HHAT: variants seen among roughly 807,000 people sequenced by gnomAD.
HHAT encodes the protein protein-cysteine N-palmitoyltransferase HHAT.
A neutral mutation model predicts 70.8 loss-of-function variants in HHAT; 47 were observed. The observed-to-expected ratio is 0.66, with a 90% CI of 0.53 to 0.85. The LOEUF (loss-of-function observed/expected upper bound fraction) is 0.85, where lower values mean the gene tolerates loss of function less well. Among genes scored for constraint, HHAT ranks in the 40% least tolerant of loss-of-function variants. HHAT has a pLI of 0.00. For synonymous variants in HHAT, 228 were observed against 247.6 expected, an observed-to-expected ratio of 0.92 and a Z score of 0.74; for missense variants, 609 against 604.8, an observed-to-expected ratio of 1.01 and a Z score of -0.07.
Position 210,463,340 on chromosome 1 carries a change from A to G in HHAT, c.857-1165A>G, listed in dbSNP as rs549743718. ...CATTGCTGCCCTCTCTCCCCAAGAA[A>G]CCACTAGTCTACTTTGTCTCTATAG... On this transcript the variant is annotated intron_variant, in intron 7 of 11. Transcript: ENST00000261458. Among the ~76,000 whole-genome samples, 6 of 152,248 alleles carry G rather than the reference A, an allele frequency of 3.9e-5. No homozygotes were observed. In the South Asian group the frequency reaches 1.2e-3, roughly 32 times the overall value.
chr1:210,449,344 T>C (rs968305399), intron 7 of HHAT, among the ~76,000 whole-genome samples: 2 of 152,174 alleles, frequency 1.3e-5, no homozygotes, highest in African/African-American at 4.8e-5. Flanking sequence ...ATTTTCTTAT[T>C]TGATTTCCCA....
intron 9 of HHAT, among the ~76,000 whole-genome samples, chr1:210,520,553 A>G (rs1392755626): frequency 6.6e-6 from 1 of 152,062 alleles, no homozygotes; most frequent in African/African-American, 2.4e-5. Context: ...TTACTATGGG[A>G]CTAACAAAGA....
intron 1 of HHAT, among the ~76,000 whole-genome samples, chr1:210,346,590 CTT>C (rs2086546344): frequency 6.6e-6 from 1 of 152,232 alleles, no homozygotes; most frequent in African/African-American, 2.4e-5. Flanking sequence ...TTCTGGATCT[CTT>C]AGGTTGCAGG....
At chr1:210,575,700 T>C (rs956962855) in intron 9 of HHAT, among the ~76,000 whole-genome samples, 1 of 152,230 alleles carries the variant, frequency 6.6e-6, no homozygotes, top group Non-Finnish European at 1.5e-5. Context: ...TTTGCTTGTT[T>C]GTTTGCAGTC....
chr1:210,569,199 C>G (rs1310226304), intron 9 of HHAT, among the ~76,000 whole-genome samples: 1 of 151,704 alleles, frequency 6.6e-6, no homozygotes, highest in Non-Finnish European at 1.5e-5. Context: ...CATGGCGAAA[C>G]CCCATCTCTA....
intron 11 of HHAT, among the ~76,000 whole-genome samples, chr1:210,641,194 G>A (rs755669555): frequency 6.6e-6 from 1 of 152,168 alleles, no homozygotes; most frequent in Non-Finnish European, 1.5e-5. Context: ...AGTGGGGCAG[G>A]AAAATCTCAG....
At chr1:210,412,303 A>G (rs1432845113) in intron 6 of HHAT, among the ~76,000 whole-genome samples, 2 of 152,198 alleles carry the variant, frequency 1.3e-5, no homozygotes, top group African/African-American at 4.8e-5. Flanking sequence ...CTTACATGCA[A>G]AATACACTCA....
At chr1:210,412,546 T>C (rs2148249153) in intron 6 of HHAT, among the ~76,000 whole-genome samples, 1 of 152,166 alleles carries the variant, frequency 6.6e-6, no homozygotes, top group East Asian at 1.9e-4. Context: ...AAGGTAGAAA[T>C]TGGAAAGAAG....
At chr1:210,634,093 A>G (rs3935665) in intron 11 of HHAT, among the ~76,000 whole-genome samples, 39,424 of 152,168 alleles carry the variant, frequency 0.26, 5,900 homozygotes, top group South Asian at 0.4. Flanking sequence ...GTTTTAAAAA[A>G]GTTATTGTAT....
chr1:210,423,471 G>A (rs890289191), intron 7 of HHAT, among the ~76,000 whole-genome samples: 4 of 152,126 alleles, frequency 2.6e-5, no homozygotes, highest in African/African-American at 9.7e-5. Context: ...TCACCTGTTG[G>A]ATAAGTAGTT....
At chr1:210,537,532 C>T (rs2095386540) in intron 9 of HHAT, among the ~76,000 whole-genome samples, 1 of 152,164 alleles carries the variant, frequency 6.6e-6, no homozygotes, top group South Asian at 2.1e-4. Context: ...GGGTTCATTT[C>T]TGTGTTCCGT....
At chr1:210,396,813 G>A (rs954116755) in intron 4 of HHAT, among the ~76,000 whole-genome samples, 6 of 152,286 alleles carry the variant, frequency 3.9e-5, no homozygotes, top group African/African-American at 9.6e-5. Flanking sequence ...AGGAAATTAC[G>A]CTGAGTGAAA....
rs76309154 is a variant in HHAT, at chr1:210,431,383, G to A, written c.856+13058G>A. The stretch of plus-strand genomic sequence containing the variant: ...GTTCTACCAGGGTAAAGACATGCAC[G>A]ACCGCTCGCCCATTTTTCTGCTCTT... On this transcript the variant is annotated intron_variant, in intron 7 of 11. Coordinates refer to ENST00000261458, the MANE Select transcript of HHAT (RefSeq NM_018194.6). 9.0e-3 allele frequency among the ~76,000 whole-genome samples: 1,364 copies of A among 151,776 alleles called. 53 individuals carry two copies. Among genetic ancestry groups the A allele is most frequent in the African/African-American group, 0.032 (1,305 of 41,122 alleles).
At chr1:210,328,081 T>C (rs929918760), upstream of HHAT, among the ~76,000 whole-genome samples, 3 of 152,228 alleles carry the variant, frequency 2.0e-5, no homozygotes, top group African/African-American at 7.2e-5. Context: ...CGAGTTTCCC[T>C]GCTGCCTAGG....
intron 7 of HHAT, among the ~76,000 whole-genome samples, chr1:210,434,613 G>A (rs1484379085): frequency 1.3e-5 from 2 of 151,682 alleles, no homozygotes; most frequent in Non-Finnish European, 2.9e-5. Context: ...TTCAAGTCCA[G>A]GCTCTCAGTG....
Position 210,405,518 on chromosome 1 carries a change from A to G in HHAT, c.684+839A>G, listed in dbSNP as rs35010630. Among the ~76,000 whole-genome samples, 555 of 152,252 alleles carry G rather than the reference A, an allele frequency of 3.6e-3. 1 individual carries two copies. The highest frequency in any genetic ancestry group is 6.0e-3 in the Non-Finnish European group (411 of 68,026). ...CATGTACGTGCATACACAGACATGC[A>G]TGCACACGCAGAACACATACCCACG... On this transcript the variant is annotated intron_variant, in intron 6 of 11. Coordinates refer to ENST00000261458, the MANE Select transcript of HHAT (RefSeq NM_018194.6).
At chr1:210,467,753 A>G (rs2094134161) in intron 8 of HHAT, among the ~76,000 whole-genome samples, 1 of 152,190 alleles carries the variant, frequency 6.6e-6, no homozygotes, top group African/African-American at 2.4e-5. Flanking sequence ...TCTACGCTGA[A>G]TGAGGTTTAG....
chr1:210,428,980 C>G (rs574966253), intron 7 of HHAT, among the ~76,000 whole-genome samples: 2 of 151,738 alleles, frequency 1.3e-5, no homozygotes, highest in Non-Finnish European at 2.9e-5. Flanking sequence ...CTCTGTCCCT[C>G]GCTTCCCCTC....
At chr1:210,610,600 T>C (rs1024790797) in intron 10 of HHAT, among the ~76,000 whole-genome samples, 5 of 152,234 alleles carry the variant, frequency 3.3e-5, no homozygotes, top group African/African-American at 1.2e-4. Context: ...TGTGCCTATG[T>C]CCTGAATAGT....
Sources: allele counts gnomAD v4.1 joint callset (sites outside exome capture counted in the v4.1 genomes callset), GRCh38; gene constraint gnomAD v4.1.1; transcripts MANE v1.5; gene names NCBI Gene and HGNC (gene_info 2026-07-23, HGNC 2026-07-21).